Variants in MRPS28 observed in about 807,000 individuals in gnomAD.
The protein encoded by MRPS28 is small ribosomal subunit protein bS1m.
MRPS28 carries 7 observed loss-of-function variants against 10.8 expected under a neutral mutation model. That is an observed-to-expected ratio of 0.65 (90% confidence interval 0.37 to 1.22). The LOEUF is 1.22. MRPS28 is among the 50% of genes most tolerant of loss of function. MRPS28 has a pLI of 0.02. For missense variants in MRPS28, 265 were observed against 232.9 expected (o/e 1.14, Z -0.90); for synonymous variants, 121 against 93.3 (o/e 1.30, Z -1.71).
intron 2 of MRPS28, among the ~76,000 whole-genome samples, chr8:79,919,609 C>G (rs1295070413): frequency 6.6e-6 from 1 of 152,148 alleles, no homozygotes; most frequent in Non-Finnish European, 1.5e-5. Context: ...TTGGGGATAA[C>G]AGGTGTGAGT....
At chr8:79,947,870 C>T (rs1254105389) in intron 2 of MRPS28, among the ~76,000 whole-genome samples, 3 of 151,464 alleles carry the variant, frequency 2.0e-5, no homozygotes, top group Non-Finnish European at 4.4e-5. Flanking sequence ...ATCTCCTGAC[C>T]TCGTGATCCG....
intron 2 of MRPS28, among the ~76,000 whole-genome samples, chr8:79,956,073 T>A (rs1807201143): frequency 6.6e-6 from 1 of 152,224 alleles, no homozygotes; most frequent in Admixed American, 6.5e-5. Flanking sequence ...GACTGAATTT[T>A]TTTTTATTTT....
intron 1 of MRPS28, among the ~76,000 whole-genome samples, chr8:80,027,921 G>A (rs1245549356): frequency 1.3e-5 from 2 of 152,174 alleles, no homozygotes; most frequent in African/African-American, 4.8e-5. Flanking sequence ...AGATGCTGCT[G>A]AGCCTGAGCT....
At chr8:79,969,702 C>G (rs2130033760) in intron 2 of MRPS28, among the ~76,000 whole-genome samples, 1 of 150,930 alleles carries the variant, frequency 6.6e-6, no homozygotes, top group South Asian at 2.1e-4. Context: ...ATAGCAAAAC[C>G]CCACTATAAA....
intron 2 of MRPS28, among the ~76,000 whole-genome samples, chr8:80,001,781 G>A (rs1808665788): frequency 6.6e-6 from 1 of 152,138 alleles, no homozygotes; most frequent in Non-Finnish European, 1.5e-5. Flanking sequence ...CACTCATCTT[G>A]TTAAAACACT....
chr8:80,008,663 A>G (rs1187674507), intron 1 of MRPS28, among the ~76,000 whole-genome samples: 1 of 152,244 alleles, frequency 6.6e-6, no homozygotes, highest in African/African-American at 2.4e-5. Flanking sequence ...ACCAAAAGAC[A>G]CATGAAAAAA....
chr8:79,981,674 C>T (rs1310307889), intron 2 of MRPS28, among the ~76,000 whole-genome samples: 3 of 151,964 alleles, frequency 2.0e-5, no homozygotes, highest in African/African-American at 2.4e-5. Context: ...TTTTGGAAGC[C>T]GAGTAACTTA....
rs925490985 is a variant in MRPS28 at position 79,944,900 on chromosome 8, G to A, written c.396-25752C>T. ...AGTAGAGATGGGATCTCGCCATGTT[G>A]TCCAGGCTAGTCTCGAATTCCTGAA... is the stretch of plus-strand genomic sequence containing the variant. On this transcript the variant is annotated intron_variant, in intron 2 of 2. Coordinates refer to ENST00000276585, the MANE Select transcript of MRPS28 (RefSeq NM_014018.3). Among the ~76,000 whole-genome samples the A allele has an allele frequency of 2.0e-5, 3 of 151,904 alleles. No homozygotes were observed. In the South Asian group the frequency reaches 6.2e-4, roughly 32 times the overall value.
At chr8:79,939,900 G>C (rs1029140291) in intron 2 of MRPS28, among the ~76,000 whole-genome samples, 1 of 151,894 alleles carries the variant, frequency 6.6e-6, no homozygotes, top group Non-Finnish European at 1.5e-5. Flanking sequence ...AACCCGGGAG[G>C]CGGAGCTTGC....
chr8:80,003,366 A>G (rs1015987616), intron 1 of MRPS28, among the ~76,000 whole-genome samples, 186 bp from the exon 2 acceptor site: 4 of 152,202 alleles, frequency 2.6e-5, no homozygotes, highest in Non-Finnish European at 5.9e-5. Context: ...AAGAGGAGCT[A>G]AAGAAAGTAG....
At chr8:79,956,415 G>T (rs1468249541) in intron 2 of MRPS28, 1 of 151,912 alleles carries the variant, frequency 6.6e-6, no homozygotes, top group Non-Finnish European at 1.5e-5. Flanking sequence ...TTTTACTCAA[G>T]AAAGCACAAA....
intron 1 of MRPS28, chr8:80,028,649 C>CGGGGGGGGGGGGGGGGGGGGGGGGGG (rs1391638801): frequency 2.2e-4 from 1 of 4,554 alleles, no homozygotes. Context: ...AGAAGACGGG[C>CGGGGGGGGGGGGGGGGGGGGGGGGGG]GGGGGGGGCG....
At chr8:80,008,970 G>GCA (rs1421335464) in intron 1 of MRPS28, among the ~76,000 whole-genome samples, 7 of 152,288 alleles carry the variant, frequency 4.6e-5, no homozygotes, top group South Asian at 2.1e-4. Flanking sequence ...AAACACACAT[G>GCA]CACACATATG....
intron 1 of MRPS28, among the ~76,000 whole-genome samples, chr8:80,027,970 G>T (rs1459420659): frequency 6.6e-6 from 1 of 152,132 alleles, no homozygotes; most frequent in Non-Finnish European, 1.5e-5. Context: ...GGACTGCCAG[G>T]AAACACCCCA....
intron 2 of MRPS28, among the ~76,000 whole-genome samples, chr8:79,941,580 C>A (rs1306310843): frequency 6.6e-6 from 1 of 152,114 alleles, no homozygotes; most frequent in Non-Finnish European, 1.5e-5. Context: ...AATTTCCTGT[C>A]CCTAGTCCTT....
chr8:79,972,220 G>A (rs989774141), intron 2 of MRPS28, among the ~76,000 whole-genome samples: 9 of 152,136 alleles, frequency 5.9e-5, no homozygotes, highest in Non-Finnish European at 1.5e-5. Flanking sequence ...CAATAATCTA[G>A]AGATGATTTC....
intron 1 of MRPS28, among the ~76,000 whole-genome samples, chr8:80,020,218 A>C (rs1372077421): frequency 6.6e-5 from 10 of 152,192 alleles, no homozygotes; most frequent in Admixed American, 5.9e-4. Context: ...ATGCAGATGA[A>C]GCGTCCAGGT....
chr8:79,984,402 A>T (rs6985439), intron 2 of MRPS28, among the ~76,000 whole-genome samples: 1 of 151,974 alleles, frequency 6.6e-6, no homozygotes, highest in African/African-American at 2.4e-5. Context: ...TCATAATGAC[A>T]GGATCAAATT....
intron 2 of MRPS28, among the ~76,000 whole-genome samples, chr8:79,943,129 G>C (rs1413972375): frequency 2.0e-5 from 3 of 152,198 alleles, no homozygotes; most frequent in Admixed American, 2.0e-4. Flanking sequence ...TCCAGCAGCT[G>C]CATTAGCAAA....
Sources: allele counts gnomAD v4.1 joint callset (sites outside exome capture counted in the v4.1 genomes callset), GRCh38; gene constraint gnomAD v4.1.1; transcripts MANE v1.5; gene names NCBI Gene and HGNC (gene_info 2026-07-23, HGNC 2026-07-21).